KCNMA1: variants seen among roughly 807,000 people sequenced by gnomAD.
KCNMA1 encodes the protein Calcium-activated potassium channel subunit alpha-1.
KCNMA1 carries 29 observed loss-of-function variants against 140.0 expected under a neutral mutation model. The ratio of observed to expected loss-of-function variants is 0.21; its 90% CI spans 0.15 to 0.28. The LOEUF is 0.28. Among genes scored for constraint, KCNMA1 ranks in the 10% least tolerant of loss-of-function variants. The pLI is 1.00. For missense variants in KCNMA1, 880 were observed against 1,602.2 expected (o/e 0.55, Z 7.70); for synonymous variants, 612 against 611.9 (o/e 1.00, Z 0.00).
intron 5 of KCNMA1, among the ~76,000 whole-genome samples, chr10:77,167,693 T>C (rs767320782): frequency 3.9e-5 from 6 of 151,992 alleles, no homozygotes; most frequent in Non-Finnish European, 8.8e-5. Context: ...TTCTTTCTTT[T>C]TTTTTTTTAA....
chr10:77,273,889 G>T (rs1441229410), intron 2 of KCNMA1, among the ~76,000 whole-genome samples: 1 of 152,176 alleles, frequency 6.6e-6, no homozygotes, highest in Non-Finnish European at 1.5e-5. Context: ...TGATATTCTA[G>T]TGGGGAAGGC....
intron 2 of KCNMA1, among the ~76,000 whole-genome samples, chr10:77,278,599 G>A (rs2067385140): frequency 6.6e-6 from 1 of 152,166 alleles, no homozygotes; most frequent in Admixed American, 6.5e-5. Flanking sequence ...CAGGACTATG[G>A]AAATTTGTAA....
chr10:77,366,399 C>A (rs1339306015), intron 2 of KCNMA1, among the ~76,000 whole-genome samples: 3 of 152,164 alleles, frequency 2.0e-5, no homozygotes, highest in African/African-American at 7.2e-5. Flanking sequence ...AAACTCCTGA[C>A]CTTAGGTGAT....
downstream of KCNMA1, among the ~76,000 whole-genome samples, chr10:76,880,701 C>A (rs1305040902): frequency 2.0e-5 from 3 of 152,140 alleles, no homozygotes; most frequent in Admixed American, 6.6e-5. Context: ...GAAGAAGAAA[C>A]AATGCCAATG....
chr10:77,452,920 G>A (rs1480259164), intron 1 of KCNMA1, among the ~76,000 whole-genome samples: 3 of 152,170 alleles, frequency 2.0e-5, no homozygotes, highest in Admixed American at 2.0e-4. Context: ...TCATTTAAGG[G>A]TGAGCAGATG....
At chr10:76,927,992 G>T (rs2058190168) in intron 23 of KCNMA1, among the ~76,000 whole-genome samples, 1 of 152,064 alleles carries the variant, frequency 6.6e-6, no homozygotes, top group African/African-American at 2.4e-5. Context: ...AATTTCAGGA[G>T]AAATATTCAA....
rs183609916 is a variant in KCNMA1, at chr10:77,124,767, A to T, written c.809-3719T>A. On this transcript the variant is annotated intron_variant, in intron 5 of 27. Transcript: ENST00000286628. ...TTTCATCCTCAGATCAAGCCAGACT[A>T]TCTGGAGAAATGGTTGGTCTTTCAG... 4.6e-5 allele frequency among the ~76,000 whole-genome samples: 7 copies of T among 152,340 alleles called. No individual in the cohort carries two copies. The East Asian group carries it at 1.2e-3, about 25-fold the overall frequency.
At chr10:77,173,974 C>T (rs1232731897) in intron 5 of KCNMA1, among the ~76,000 whole-genome samples, 1 of 152,120 alleles carries the variant, frequency 6.6e-6, no homozygotes, top group Non-Finnish European at 1.5e-5. Flanking sequence ...CACGAACTGC[C>T]CATCTGAGCA....
chr10:77,528,984 T>A (rs768574977), intron 1 of KCNMA1, among the ~76,000 whole-genome samples: 1 of 152,180 alleles, frequency 6.6e-6, no homozygotes, highest in South Asian at 2.1e-4. Flanking sequence ...CCATCTGCAG[T>A]GCTGGACGGT....
rs549360933 is a variant in KCNMA1 at position 76,887,430 on chromosome 10, C to A, written c.3547G>T (p.Gly1183Cys). The change falls in exon 28 of 28, where the codon GGC becomes TGC. Residue 1183 changes from glycine (G) to cysteine (C), a missense_variant. Around this residue, in one of 13 missense-constraint regions of KCNMA1, gnomAD observed 115 missense variants for 139.9 expected, o/e 0.82. Transcript: ENST00000286628. ...TGGGACAGGCTGGCCCGGGACTGGC[C>A]GGCATTGTGGTCAAACTGCATTAAG... is the stretch of plus-strand genomic sequence containing the variant. Reference protein sequence around the residue: ...FCLMQFDHNAGQSRASLSHSS... With the variant: ...FCLMQFDHNACQSRASLSHSS... The A allele has an allele frequency of 6.2e-7, 1 of 1,613,942 alleles. No individual in the cohort carries two copies. Among genetic ancestry groups the A allele is most frequent in the Non-Finnish European group, 8.5e-7 (1 of 1,180,032 alleles).
chr10:77,215,738 G>A (rs1266126015), intron 3 of KCNMA1, among the ~76,000 whole-genome samples: 2 of 152,134 alleles, frequency 1.3e-5, no homozygotes, highest in Non-Finnish European at 2.9e-5. Flanking sequence ...AGTCCCCAGT[G>A]TTATGGCATT....
At chr10:77,359,588 C>T (rs1437133716) in intron 2 of KCNMA1, among the ~76,000 whole-genome samples, 1 of 152,208 alleles carries the variant, frequency 6.6e-6, no homozygotes, top group African/African-American at 2.4e-5. Flanking sequence ...CCTTAGAAGG[C>T]AGCTCCCACG....
intron 1 of KCNMA1, among the ~76,000 whole-genome samples, chr10:77,504,195 A>G (rs370839043): frequency 6.6e-6 from 1 of 152,162 alleles, no homozygotes. Flanking sequence ...TATTCCACTC[A>G]CTTTTCACAG....
chr10:76,974,707 A>AT (rs1288303550), intron 19 of KCNMA1: 13 of 643,576 alleles, frequency 2.0e-5, no homozygotes, highest in Non-Finnish European at 3.2e-5. Context: ...CTGAATTGCC[A>AT]TTTTTTTCCC....
intron 1 of KCNMA1, among the ~76,000 whole-genome samples, chr10:77,410,346 G>A (rs2096591305): frequency 6.6e-6 from 1 of 152,142 alleles, no homozygotes; most frequent in Non-Finnish European, 1.5e-5. Flanking sequence ...GGTCACTGCA[G>A]GCACCACACC....
chr10:77,589,234 A>G (rs2154564408), intron 1 of KCNMA1, among the ~76,000 whole-genome samples: 1 of 152,324 alleles, frequency 6.6e-6, no homozygotes, highest in South Asian at 2.1e-4. Context: ...AAGGAAAGAT[A>G]GAGTAATTTA....
At chr10:77,347,890 A>C (rs1173568007) in intron 2 of KCNMA1, among the ~76,000 whole-genome samples, 2 of 152,246 alleles carry the variant, frequency 1.3e-5, no homozygotes, top group African/African-American at 4.8e-5. Flanking sequence ...TCCTCAATGC[A>C]ACCCTGTGAA....
intron 1 of KCNMA1, among the ~76,000 whole-genome samples, chr10:77,551,406 C>A (rs2062816471): frequency 6.6e-6 from 1 of 151,986 alleles, no homozygotes; most frequent in South Asian, 2.1e-4. Context: ...GTATACCCAG[C>A]AAAAATCTCA....
chr10:76,949,082 G>A lies in KCNMA1; in HGVS notation c.2709+60C>T, dbSNP rs55736648. On this transcript the variant is annotated intron_variant, in intron 22 of 27. Coordinates refer to ENST00000286628, the MANE Select transcript of KCNMA1 (RefSeq NM_001161352.2). Reference sequence around the variant, plus strand: ...AAAGCTACAACTATTATATCCATCCGGGATTTTCTTTTGTGAATGAAAAGA... The same window carrying A: ...AAAGCTACAACTATTATATCCATCCAGGATTTTCTTTTGTGAATGAAAAGA... The A allele has an allele frequency of 3.3e-3, 4,196 of 1,282,158 alleles. 13 individuals carry two copies. Among genetic ancestry groups the A allele is most frequent in the Non-Finnish European group, 3.9e-3 (3,379 of 876,912 alleles). 79.4% of individuals were successfully genotyped at this position (1,282,158 alleles called of 1,614,324 possible). A position where few individuals can be genotyped will look rare whatever the true frequency, so the allele number is the denominator to read the frequency against.
Sources: gnomAD v4.1 joint callset for allele counts (sites outside exome capture counted in the v4.1 genomes callset) on GRCh38, gnomAD v4.1.1 for gene constraint, gnomAD v4.1.1 regional missense constraint, MANE v1.5 for transcripts, NCBI Gene and HGNC (gene_info 2026-07-23, HGNC 2026-07-21) for gene names.